FBXL2: variants seen among roughly 807,000 people sequenced by gnomAD.
The protein encoded by FBXL2 is F-box/LRR-repeat protein 2.
FBXL2 carries 38 observed loss-of-function variants against 69.2 expected under a neutral mutation model. That is an observed-to-expected ratio of 0.55 (90% CI 0.42 to 0.72). FBXL2 has a LOEUF of 0.72. FBXL2 is among the 30% of genes least tolerant of loss of function. The pLI is 0.00. For synonymous variants in FBXL2, 192 were observed against 201.3 expected, an observed-to-expected ratio of 0.95 and a Z score of 0.39; for missense variants, 354 against 520.3, an observed-to-expected ratio of 0.68 and a Z score of 3.11.
chr3:33,328,817 G>A (rs1452061407), intron 2 of FBXL2, among the ~76,000 whole-genome samples: 1 of 151,976 alleles, frequency 6.6e-6, no homozygotes, highest in Non-Finnish European at 1.5e-5. Flanking sequence ...GTGTGTGTGT[G>A]TGTGTGTGTG....
intron 2 of FBXL2, among the ~76,000 whole-genome samples, chr3:33,310,034 A>C (rs112090100): frequency 2.0e-5 from 3 of 152,026 alleles, no homozygotes; most frequent in Admixed American, 2.0e-4. Context: ...AAAACTCTAC[A>C]TTGTTTCTTT....
chr3:33,313,359 A>G (rs1471662795), intron 2 of FBXL2, among the ~76,000 whole-genome samples: 1 of 152,132 alleles, frequency 6.6e-6, no homozygotes, highest in African/African-American at 2.4e-5. Context: ...TTCCAAAAAC[A>G]TGCAAAACCA....
intron 12 of FBXL2, 72 bp downstream of exon 12, chr3:33,378,219 G>A: frequency 9.0e-6 from 13 of 1,441,376 alleles, no homozygotes; most frequent in Non-Finnish European, 1.2e-5. Flanking sequence ...AGCACAGCCA[G>A]AGACACTGAC....
At chr3:33,309,347 C>T (rs1483702225) in intron 2 of FBXL2, among the ~76,000 whole-genome samples, 1 of 152,088 alleles carries the variant, frequency 6.6e-6, no homozygotes, top group African/African-American at 2.4e-5. Context: ...AATTGATCCC[C>T]TTTGTCATTA....
downstream of FBXL2, among the ~76,000 whole-genome samples, chr3:33,404,481 G>C (rs1167163851): frequency 7.4e-6 from 1 of 134,292 alleles, no homozygotes; most frequent in Non-Finnish European, 1.6e-5. Flanking sequence ...AAAGATAATA[G>C]GATTAAAAAA....
At position 33,277,478 on chromosome 3, in the gene FBXL2, C is replaced by G; in HGVS notation, c.-35C>G. On this transcript the variant is annotated 5_prime_UTR_variant, in exon 1 of 15. Transcript: ENST00000484457. ...AACGGGCGTCGCCGGCGCCGTGTGA[C>G]TTCGGGCTGTGGGCTCGCTCGCGGC... is the stretch of plus-strand genomic sequence containing the variant. The G allele has an allele frequency of 7.8e-7, 1 of 1,287,250 alleles. No homozygotes were observed. The highest frequency in any genetic ancestry group is 9.9e-7 in the Non-Finnish European group (1 of 1,009,906). 79.7% of individuals were successfully genotyped at this position (1,287,250 alleles called of 1,614,324 possible). A position where few individuals can be genotyped will look rare whatever the true frequency, so the allele number is the denominator to read the frequency against.
chr3:33,394,711 T>C (rs1324923495), intron 12 of FBXL2, among the ~76,000 whole-genome samples: 2 of 151,896 alleles, frequency 1.3e-5, no homozygotes, highest in African/African-American at 4.8e-5. Flanking sequence ...GAATTTTCCA[T>C]TACATAAAAG....
chr3:33,333,211 AAAAC>A (rs964386336), intron 2 of FBXL2, among the ~76,000 whole-genome samples: 33 of 152,240 alleles, frequency 2.2e-4, no homozygotes, highest in African/African-American at 6.3e-4. Context: ...ACTTTTTAAA[AAAAC>A]AAAATGTAAC....
intron 2 of FBXL2, among the ~76,000 whole-genome samples, chr3:33,322,829 TATA>T (rs949455529): frequency 8.5e-5 from 13 of 152,212 alleles, no homozygotes; most frequent in Non-Finnish European, 1.8e-4. Context: ...ATGTATTTAA[TATA>T]ATATTTGTTA....
rs539714136 is a variant in FBXL2 at position 33,396,609 on chromosome 3, G to A, written n.1215-6625G>A. On this transcript the variant is annotated intron_variant and non_coding_transcript_variant, in intron 12 of 12. Transcript: ENST00000463736. ...TTCTCACACCACAAGTATAGAAAGA[G>A]CAATGATAGTAAATGGTTCTTACAA... 9.9e-6 allele frequency: 4 copies of A among 403,306 alleles called. No homozygotes were observed. In the East Asian group the frequency reaches 1.7e-4, roughly 17 times the overall value. The allele number at this position is 403,306 out of a possible 1,614,324, so 25.0% of individuals were successfully genotyped here. A position where few individuals can be genotyped will look rare whatever the true frequency, so the allele number is the denominator to read the frequency against.
At chr3:33,354,343 G>A (rs1431849935) in intron 2 of FBXL2, among the ~76,000 whole-genome samples, 9 of 151,844 alleles carry the variant, frequency 5.9e-5, no homozygotes, top group African/African-American at 1.7e-4. Context: ...GTGAAACCCC[G>A]TCTCTACTAA....
At chr3:33,339,213 C>T (rs12634161) in intron 2 of FBXL2, among the ~76,000 whole-genome samples, 53,694 of 151,844 alleles carry the variant, frequency 0.35, 10,213 homozygotes, top group East Asian at 0.56. Flanking sequence ...GAAATGCAAA[C>T]CAAAACCACA....
At chr3:33,328,151 T>C (rs1485695192) in intron 2 of FBXL2, among the ~76,000 whole-genome samples, 1 of 151,676 alleles carries the variant, frequency 6.6e-6, no homozygotes, top group African/African-American at 2.4e-5. Flanking sequence ...ACCAAAGAAA[T>C]CAAAGATCTG....
downstream of FBXL2, among the ~76,000 whole-genome samples, chr3:33,405,876 G>C (rs1559677121): frequency 6.6e-6 from 1 of 152,062 alleles, no homozygotes; most frequent in African/African-American, 2.4e-5. Context: ...ATGGCTACAG[G>C]GGCTTAAAAC....
intron 2 of FBXL2, among the ~76,000 whole-genome samples, chr3:33,309,934 G>A (rs1165585623): frequency 6.6e-6 from 1 of 151,998 alleles, no homozygotes; most frequent in Non-Finnish European, 1.5e-5. Context: ...ACTAAGCAGG[G>A]AGGATCGCTT....
chr3:33,415,211 G>A, the FBXL2 span, among the ~76,000 whole-genome samples: 1 of 152,082 alleles, frequency 6.6e-6, no homozygotes, highest in Non-Finnish European at 1.5e-5. Flanking sequence ...ACCTATTCAG[G>A]GAACTGCCCT....
chr3:33,281,152 G>A (rs1230740335), intron 1 of FBXL2, among the ~76,000 whole-genome samples: 1 of 152,062 alleles, frequency 6.6e-6, no homozygotes, highest in Non-Finnish European at 1.5e-5. Context: ...TGTACCCGTT[G>A]TCATTTACAT....
intron 2 of FBXL2, among the ~76,000 whole-genome samples, chr3:33,330,404 T>C (rs1299028167): frequency 6.6e-6 from 1 of 152,166 alleles, no homozygotes; most frequent in Non-Finnish European, 1.5e-5. Flanking sequence ...AATATACAGT[T>C]AGAAGAAATA....
intron 2 of FBXL2, among the ~76,000 whole-genome samples, chr3:33,351,621 C>T (rs1487300971): frequency 3.3e-5 from 5 of 152,008 alleles, no homozygotes; most frequent in Non-Finnish European, 5.9e-5. Flanking sequence ...ATAGATTCAC[C>T]AAAATCCAAA....
Sources: allele counts gnomAD v4.1 joint callset (sites outside exome capture counted in the v4.1 genomes callset), GRCh38; gene constraint gnomAD v4.1.1; transcripts MANE v1.5; gene names NCBI Gene and HGNC (gene_info 2026-07-23, HGNC 2026-07-21).